Variants in CDH13 observed in about 807,000 individuals in gnomAD.
The protein encoded by CDH13 is cadherin-13.
Under a neutral mutation model 63.8 loss-of-function variants are expected in CDH13, and 24 were observed. That is an observed-to-expected ratio of 0.38 (90% CI 0.27 to 0.53). The LOEUF (loss-of-function observed/expected upper bound fraction) is 0.53, where lower values mean the gene tolerates loss of function less well. CDH13 is among the 20% of genes least tolerant of loss of function. The pLI is 0.85. For missense variants in CDH13, 1,049 were observed against 903.1 expected (o/e 1.16, Z -2.07); for synonymous variants, 503 against 355.3 (o/e 1.42, Z -4.67).
chr16:83,427,464 G>T (rs1453076028), intron 6 of CDH13, among the ~76,000 whole-genome samples: 1 of 152,076 alleles, frequency 6.6e-6, no homozygotes, highest in Non-Finnish European at 1.5e-5. Flanking sequence ...TTCTCTTCTG[G>T]AGCCTCCTGA....
chr16:82,975,274 A>G (rs13313558), intron 2 of CDH13, among the ~76,000 whole-genome samples: 43,088 of 152,056 alleles, frequency 0.28, 6,234 homozygotes, highest in Middle Eastern at 0.38. Context: ...CCAAGGGGCT[A>G]CATGGAGAGT....
chr16:82,920,035 G>C (rs1330076155), intron 2 of CDH13, among the ~76,000 whole-genome samples: 1 of 152,180 alleles, frequency 6.6e-6, no homozygotes, highest in Non-Finnish European at 1.5e-5. Context: ...GTGTTAGTCA[G>C]GGCCTTTGCT....
chr16:83,026,551 A>G (rs1915820620), intron 2 of CDH13, among the ~76,000 whole-genome samples: 1 of 152,202 alleles, frequency 6.6e-6, no homozygotes, highest in Admixed American at 6.5e-5. Flanking sequence ...TAGTACCTAA[A>G]CAGATATAAG....
chr16:83,058,404 G>A (rs548400567), intron 3 of CDH13, among the ~76,000 whole-genome samples: 2 of 152,328 alleles, frequency 1.3e-5, no homozygotes, highest in Admixed American at 1.3e-4. Flanking sequence ...TGGCGGTTTG[G>A]TGTTCCTATG....
At chr16:83,366,296 G>C (rs2091256090) in intron 6 of CDH13, among the ~76,000 whole-genome samples, 1 of 152,050 alleles carries the variant, frequency 6.6e-6, no homozygotes, top group Non-Finnish European at 1.5e-5. Flanking sequence ...GCAATCTCAG[G>C]GACATGTTTA....
At chr16:83,535,388 T>C (rs1284756068) in intron 7 of CDH13, among the ~76,000 whole-genome samples, 1 of 152,230 alleles carries the variant, frequency 6.6e-6, no homozygotes, top group East Asian at 1.9e-4. Context: ...GGCCACATTG[T>C]AGATGGGCAA....
chr16:82,730,785 G>C (rs1231515207), intron 1 of CDH13, among the ~76,000 whole-genome samples: 1 of 152,124 alleles, frequency 6.6e-6, no homozygotes, highest in Non-Finnish European at 1.5e-5. Flanking sequence ...CTTTCAGTTG[G>C]CTTAAGGTAA....
intron 4 of CDH13, among the ~76,000 whole-genome samples, chr16:83,194,106 T>A (rs1406920145): frequency 1.3e-5 from 2 of 152,246 alleles, no homozygotes; most frequent in Non-Finnish European, 2.9e-5. Context: ...GACAGCTCGT[T>A]CCAACCTTTG....
At chr16:82,715,472 G>A (rs916932910) in intron 1 of CDH13, among the ~76,000 whole-genome samples, 3 of 152,114 alleles carry the variant, frequency 2.0e-5, no homozygotes, top group South Asian at 4.1e-4. Context: ...AGCTACGTGC[G>A]ATGCTGCCTA....
At chr16:83,546,041 A>G (rs746315703) in intron 7 of CDH13, among the ~76,000 whole-genome samples, 1 of 152,210 alleles carries the variant, frequency 6.6e-6, no homozygotes, top group African/African-American at 2.4e-5. Flanking sequence ...TTCAGAAGTG[A>G]TAAGTGCTCT....
intron 1 of CDH13, among the ~76,000 whole-genome samples, chr16:82,690,996 CAT>C (rs1177497281): frequency 6.6e-6 from 1 of 152,192 alleles, no homozygotes; most frequent in Non-Finnish European, 1.5e-5. Flanking sequence ...TATAAAGACA[CAT>C]AGGAAATGGG....
intron 7 of CDH13, among the ~76,000 whole-genome samples, chr16:83,510,454 C>T (rs374899850): frequency 5.5e-4 from 83 of 152,288 alleles, no homozygotes; most frequent in African/African-American, 1.8e-3. Context: ...AAATACACAA[C>T]ACACCAATGA....
intron 2 of CDH13, among the ~76,000 whole-genome samples, chr16:82,945,649 G>A (rs917415396): frequency 1.4e-4 from 22 of 152,010 alleles, no homozygotes; most frequent in Non-Finnish European, 2.5e-4. Context: ...TGAAGATACC[G>A]CAGGATGATA....
At chr16:83,709,016 C>T (rs1356911840) in intron 10 of CDH13, among the ~76,000 whole-genome samples, 1 of 151,780 alleles carries the variant, frequency 6.6e-6, no homozygotes, top group African/African-American at 2.4e-5. Flanking sequence ...AGAGCGAGAC[C>T]CTGTCTCAAA....
intron 4 of CDH13, among the ~76,000 whole-genome samples, chr16:83,126,547 C>G (rs1446386781): frequency 6.6e-6 from 1 of 151,974 alleles, no homozygotes. Context: ...AGGACTCTTT[C>G]CAAATAAGAA....
chr16:82,966,274 G>A (rs1367642857), intron 2 of CDH13, among the ~76,000 whole-genome samples: 1 of 152,038 alleles, frequency 6.6e-6, no homozygotes, highest in African/African-American at 2.4e-5. Flanking sequence ...TCAGCCTCCC[G>A]AGTAGCTGGG....
intron 5 of CDH13, among the ~76,000 whole-genome samples, chr16:83,326,682 C>T (rs938472767): frequency 6.6e-6 from 1 of 152,008 alleles, no homozygotes; most frequent in Non-Finnish European, 1.5e-5. Flanking sequence ...TCTGCATGGC[C>T]CGCAAACATG....
At chr16:83,536,550 C>T (rs1164351696) in intron 7 of CDH13, among the ~76,000 whole-genome samples, 2 of 152,068 alleles carry the variant, frequency 1.3e-5, no homozygotes, top group East Asian at 3.9e-4. Flanking sequence ...GAGCTGAACA[C>T]CCATGGAACC....
At chr16:83,737,610 T>G (rs1188797944) in intron 10 of CDH13, among the ~76,000 whole-genome samples, 1 of 152,226 alleles carries the variant, frequency 6.6e-6, no homozygotes, top group Non-Finnish European at 1.5e-5. Context: ...AGACCTGGTT[T>G]CCACCTCAGA....
Sources: allele counts gnomAD v4.1 joint callset (sites outside exome capture counted in the v4.1 genomes callset), GRCh38; gene constraint gnomAD v4.1.1; transcripts MANE v1.5; gene names NCBI Gene and HGNC (gene_info 2026-07-23, HGNC 2026-07-21).